KCNJ8: variants seen among roughly 807,000 people sequenced by gnomAD.
KCNJ8 encodes the protein potassium inwardly rectifying channel subfamily J member 8, also known as ATP-sensitive inward rectifier potassium channel 8.
In KCNJ8, 13 loss-of-function variants were observed where a neutral mutation model predicts 28.2. That is an observed-to-expected ratio of 0.46 (90% CI 0.30 to 0.73). The LOEUF (loss-of-function observed/expected upper bound fraction) is 0.73, where lower values mean the gene tolerates loss of function less well. KCNJ8 is among the 30% of genes least tolerant of loss of function. The pLI is 0.07. For missense variants in KCNJ8, 284 were observed against 542.6 expected (o/e 0.52, Z 4.73); for synonymous variants, 188 against 195.9 (o/e 0.96, Z 0.34).
In KCNJ8 at chr12:21,773,566, G is replaced by T; in HGVS notation, c.51C>A (p.Ile17=). 1 of 1,614,076 alleles carries T rather than the reference G, an allele frequency of 6.2e-7. No homozygotes were observed. Among genetic ancestry groups the T allele is most frequent in the South Asian group, 1.1e-5 (1 of 91,088 alleles). The change falls in exon 2 of 3, where the codon ATC becomes ATA. Residue 17 remains isoleucine, a synonymous_variant. Coordinates refer to ENST00000240662, the MANE Select transcript of KCNJ8 (RefSeq NM_004982.4). The surrounding 1 kb of genome is among the most constrained non-coding windows in gnomAD (Gnocchi z 4.6). ...IIPEEYVLAR[I]AAENLRKPRI... ...GCGGCTTGCGCAGGTTCTCTGCGGC[G>T]ATGCGCGCCAGCACATACTCCTCCG...
In KCNJ8 at chr12:21,773,477, T is replaced by A; in HGVS notation, c.140A>T (p.His47Leu). 1 of 1,614,278 alleles carries A rather than the reference T, an allele frequency of 6.2e-7. No individual in the cohort carries two copies. The highest frequency in any genetic ancestry group is 8.5e-7 in the Non-Finnish European group (1 of 1,180,056). Residue 47 changes from histidine (H) to leucine (L), a missense_variant, in exon 2 of 3, where the codon CAT becomes CTT. By Grantham distance (99) the His-to-Leu change is moderately conservative. This residue lies in a region of KCNJ8 where 54 missense variants were observed against 77.5 expected (regional missense o/e 0.70). Coordinates refer to ENST00000240662, the MANE Select transcript of KCNJ8 (RefSeq NM_004982.4). This position sits in a 1 kb window ranked among gnomAD's most constrained non-coding sequence, Gnocchi z 4.6. Reference sequence around the variant, plus strand: ...GCGTCCTTGCTCACGGATGTTCTTATGCGCCAGGTTGCAGGCCCCGCTCTT... The same window carrying A: ...GCGTCCTTGCTCACGGATGTTCTTAAGCGCCAGGTTGCAGGCCCCGCTCTT... ...IAKSGACNLA[H>L]KNIREQGRFL... is the part of the protein sequence containing the mutation.
rs34524779 is a variant in KCNJ8, at chr12:21,773,326, G to C, written c.291C>G (p.Ala97=). The change falls in exon 2 of 3, where the codon GCC becomes GCG. Residue 97 remains alanine, a synonymous_variant. Coordinates refer to ENST00000240662, the MANE Select transcript of KCNJ8 (RefSeq NM_004982.4). This position sits in a 1 kb window ranked among gnomAD's most constrained non-coding sequence, Gnocchi z 4.6. The part of the protein sequence containing the change: ...FAIMWWLVAF[A]HGDIYAYMEK... The stretch of plus-strand genomic sequence containing the variant: ...CCATGTAAGCATAGATGTCCCCATG[G>C]GCAAAGGCCACCAGCCACCACATGA... 3.1e-3 allele frequency: 5,078 copies of C among 1,614,116 alleles called. 133 individuals carry two copies. The African/African-American group carries it at 0.06, about 19-fold the overall frequency.
At chr12:21,767,134 T>C (rs1302174134) in intron 2 of KCNJ8, among the ~76,000 whole-genome samples, 3 of 152,166 alleles carry the variant, frequency 2.0e-5, no homozygotes, top group Admixed American at 6.5e-5. Context: ...TAAAATCATA[T>C]TCATTAGCTA....
intron 2 of KCNJ8, among the ~76,000 whole-genome samples, chr12:21,768,048 G>A (rs984362376): frequency 6.6e-6 from 1 of 151,966 alleles, no homozygotes; most frequent in Non-Finnish European, 1.5e-5. Flanking sequence ...ATACTGGGGG[G>A]TGTGTGTGGG....
chr12:21,769,162 A>G (rs893212383), intron 2 of KCNJ8, among the ~76,000 whole-genome samples: 1 of 152,232 alleles, frequency 6.6e-6, no homozygotes, highest in African/African-American at 2.4e-5. Flanking sequence ...TTAGGAACTA[A>G]TGCAGCTGGT....
Position 21,766,122 on chromosome 12 carries a change from G to T in KCNJ8, c.876C>A (p.Val292=). Residue 292 remains valine (V), a synonymous_variant, in exon 3 of 3, where the codon GTC becomes GTA. Coordinates refer to ENST00000240662, the MANE Select transcript of KCNJ8 (RefSeq NM_004982.4). The surrounding 1 kb of genome is among the most constrained non-coding windows in gnomAD (Gnocchi z 6.5). Reference sequence around the variant, plus strand: ...CAACCACTCCTTCCAGAATAACTATGACCTCCAAGTCTTGGTTGGCCAGGT... The same window carrying T: ...CAACCACTCCTTCCAGAATAACTATTACCTCCAAGTCTTGGTTGGCCAGGT... The part of the protein sequence containing the change: ...ATDLANQDLE[V]IVILEGVVET... The T allele has an allele frequency of 6.2e-7, 1 of 1,614,152 alleles. No individual in the cohort carries two copies. Among genetic ancestry groups the T allele is most frequent in the South Asian group, 1.1e-5 (1 of 91,074 alleles).
At chr12:21,771,758 T>C (rs574471412) in intron 2 of KCNJ8, among the ~76,000 whole-genome samples, 1 of 152,296 alleles carries the variant, frequency 6.6e-6, no homozygotes, top group African/African-American at 2.4e-5. Context: ...AACTTTATTT[T>C]GATATGAAAA....
rs1169019315 is a variant in KCNJ8, at chr12:21,773,795, C to T, written c.-70-109G>A. 1.3e-6 allele frequency: 1 copy of T among 762,358 alleles called. No individual in the cohort carries two copies. Among genetic ancestry groups the T allele is most frequent in the African/African-American group, 1.8e-5 (1 of 56,716 alleles). 47.2% of individuals were successfully genotyped at this position (762,358 alleles called of 1,614,324 possible). ...TACATGTGCGAGGTGACATGCAAAA[C>T]CAAAAATGTGATTTTTACTAACCCA... On this transcript the variant is annotated intron_variant, in intron 1 of 2. Transcript: ENST00000240662. The surrounding 1 kb of genome is among the most constrained non-coding windows in gnomAD (Gnocchi z 4.6).
chr12:21,768,072 G>A (rs557261356), intron 2 of KCNJ8, among the ~76,000 whole-genome samples: 10 of 152,206 alleles, frequency 6.6e-5, no homozygotes, highest in Middle Eastern at 3.4e-3. Flanking sequence ...AAATGGTTTC[G>A]AGATGAAACT....
At chr12:21,772,742 G>A (rs1351281286) in intron 2 of KCNJ8, among the ~76,000 whole-genome samples, 2 of 152,122 alleles carry the variant, frequency 1.3e-5, no homozygotes, top group East Asian at 1.9e-4. Context: ...TCATTTTTTA[G>A]TAGATTTTTA....
intron 2 of KCNJ8, among the ~76,000 whole-genome samples, chr12:21,769,854 A>G (rs996190005): frequency 1.3e-5 from 2 of 152,202 alleles, no homozygotes; most frequent in African/African-American, 4.8e-5. Flanking sequence ...AACTTGGATG[A>G]ATGAGGAGTT....
At position 21,766,427 on chromosome 12, in the gene KCNJ8, A is replaced by G. The variant is rs1328023295; in HGVS notation, c.571T>C (p.Leu191=). 1.2e-6 allele frequency: 2 copies of G among 1,614,132 alleles called. No individual in the cohort carries two copies. Among genetic ancestry groups the G allele is most frequent in the Non-Finnish European group, 1.7e-6 (2 of 1,180,038 alleles). ...ATCACAGCATGGCGGCTGAAAATCAAAGTTTCTGCCCTTCTGTGAGCCTGA... is the reference window on the plus strand; with the variant it reads ...ATCACAGCATGGCGGCTGAAAATCAGAGTTTCTGCCCTTCTGTGAGCCTGA... ...TAQAHRRAET[L]IFSRHAVIAV... Residue 191 remains leucine, a synonymous_variant, in exon 3 of 3, where the codon TTG becomes CTG. Coordinates refer to ENST00000240662, the MANE Select transcript of KCNJ8 (RefSeq NM_004982.4). This position sits in a 1 kb window ranked among gnomAD's most constrained non-coding sequence, Gnocchi z 6.5.
chr12:21,773,795 C>A lies in KCNJ8; in HGVS notation c.-70-109G>T. 3.9e-6 allele frequency: 3 copies of A among 762,476 alleles called. No homozygotes were observed. Among genetic ancestry groups the A allele is most frequent in the South Asian group, 1.8e-5 (1 of 56,348 alleles). The allele number at this position is 762,476 out of a possible 1,614,324, so 47.2% of individuals were successfully genotyped here. ...TACATGTGCGAGGTGACATGCAAAA[C>A]CAAAAATGTGATTTTTACTAACCCA... On this transcript the variant is annotated intron_variant, in intron 1 of 2. Coordinates refer to ENST00000240662, the MANE Select transcript of KCNJ8 (RefSeq NM_004982.4). The surrounding 1 kb of genome is among the most constrained non-coding windows in gnomAD (Gnocchi z 4.6).
rs940393199 is a variant in KCNJ8, at chr12:21,766,684, C to T, written c.375-61G>A. 7.5e-7 allele frequency: 1 copy of T among 1,330,188 alleles called. No individual in the cohort carries two copies. Among genetic ancestry groups the T allele is most frequent in the Non-Finnish European group, 1.1e-6 (1 of 945,146 alleles). 82.4% of individuals were successfully genotyped at this position (1,330,188 alleles called of 1,614,324 possible). A position where few individuals can be genotyped will look rare whatever the true frequency, so the allele number is the denominator to read the frequency against. ...GTCACATTTTGAATAATGAAATATGCCAAGCTGAGCTTTTCATTTTCTTCC... is the reference window on the plus strand; with the variant it reads ...GTCACATTTTGAATAATGAAATATGTCAAGCTGAGCTTTTCATTTTCTTCC... On this transcript the variant is annotated intron_variant, in intron 2 of 2. Coordinates refer to ENST00000240662, the MANE Select transcript of KCNJ8 (RefSeq NM_004982.4). The surrounding 1 kb of genome is among the most constrained non-coding windows in gnomAD (Gnocchi z 6.5).
intron 2 of KCNJ8, among the ~76,000 whole-genome samples, chr12:21,772,955 G>A (rs1940795777): frequency 6.6e-6 from 1 of 152,152 alleles, no homozygotes; most frequent in South Asian, 2.1e-4. Context: ...AAAGCACTCT[G>A]TGTAATCCTT....
rs1386768162 is a variant in KCNJ8, at chr12:21,765,474, A to G, written c.*249T>C. Reference sequence around the variant, plus strand: ...CAAATTGAGAGAAACGAGCATACCCACCCCTGCACATAACTTAAGTATATC... The same window carrying G: ...CAAATTGAGAGAAACGAGCATACCCGCCCCTGCACATAACTTAAGTATATC... On this transcript the variant is annotated 3_prime_UTR_variant, in exon 3 of 3. Coordinates refer to ENST00000240662, the MANE Select transcript of KCNJ8 (RefSeq NM_004982.4). The G allele has an allele frequency of 1.9e-6, 1 of 537,162 alleles. No individual in the cohort carries two copies. Among genetic ancestry groups the G allele is most frequent in the East Asian group, 3.3e-5 (1 of 30,094 alleles). 33.3% of individuals were successfully genotyped at this position (537,162 alleles called of 1,614,324 possible).
intron 2 of KCNJ8, among the ~76,000 whole-genome samples, chr12:21,767,631 C>G (rs1940663232): frequency 6.6e-6 from 1 of 152,114 alleles, no homozygotes; most frequent in Admixed American, 6.5e-5. Context: ...GTCCCTGGCT[C>G]CAAAAAGGTT....
At position 21,773,572 on chromosome 12, in the gene KCNJ8, C is replaced by G. The variant is rs1162681542; in HGVS notation, c.45G>C (p.Ala15=). The change falls in exon 2 of 3, where the codon GCG becomes GCC. Residue 15 remains alanine (A), a synonymous_variant. Transcript: ENST00000240662. The surrounding 1 kb of genome is among the most constrained non-coding windows in gnomAD (Gnocchi z 4.6). ...TGCGCAGGTTCTCTGCGGCGATGCG[C>G]GCCAGCACATACTCCTCCGGGATGA... is the stretch of plus-strand genomic sequence containing the variant. The part of the protein sequence containing the change: ...KSIIPEEYVL[A]RIAAENLRKP... 6.2e-7 allele frequency: 1 copy of G among 1,614,028 alleles called. No homozygotes were observed. The highest frequency in any genetic ancestry group is 8.5e-7 in the Non-Finnish European group (1 of 1,180,036).
In KCNJ8 at chr12:21,766,065, G is replaced by A. The variant is rs1305574342; in HGVS notation, c.933C>T (p.Thr311=). 1.2e-6 allele frequency: 2 copies of A among 1,614,192 alleles called. No individual in the cohort carries two copies. The highest frequency in any genetic ancestry group is 2.2e-5 in the South Asian group (2 of 91,072). ...ETTGITTQAR[T]SYIAEEIQWG... ...ATTGGATCTCCTCAGCAATGTAGGA[G>A]GTTCGTGCTTGTGTGGTGATGCCAG... The change falls in exon 3 of 3, where the codon ACC becomes ACT. Residue 311 remains threonine (T), a synonymous_variant. Transcript: ENST00000240662. This position sits in a 1 kb window ranked among gnomAD's most constrained non-coding sequence, Gnocchi z 6.5.
Sources: gnomAD v4.1 joint callset for allele counts (sites outside exome capture counted in the v4.1 genomes callset) on GRCh38, gnomAD v4.1.1 for gene constraint, gnomAD v4.1.1 regional missense constraint, Gnocchi (gnomAD v3.1) non-coding constraint, MANE v1.5 for transcripts, NCBI Gene and HGNC (gene_info 2026-07-23, HGNC 2026-07-21) for gene names.